The following ZFHX3 variants were observed in gnomAD, a reference collection of about 807,000 sequenced individuals.
ZFHX3 encodes the protein zinc finger homeobox 3.
In ZFHX3, 42 loss-of-function variants were observed where a neutral mutation model predicts 279.1. That is an observed-to-expected ratio of 0.15 (90% CI 0.12 to 0.19). The LOEUF is 0.19. Among genes scored for constraint, ZFHX3 ranks in the 10% least tolerant of loss-of-function variants. The probability of loss-of-function intolerance (pLI) is 1.00; values close to 1 mark genes in which losing one functional copy is unlikely to be tolerated. For missense variants in ZFHX3, 4,981 were observed against 4,754.0 expected, an observed-to-expected ratio of 1.05 and a Z score of -1.40; for synonymous variants, 2,293 against 1,957.8, an observed-to-expected ratio of 1.17 and a Z score of -4.52.
intron 1 of ZFHX3, among the ~76,000 whole-genome samples, chr16:73,749,862 G>A (rs893399671): frequency 4.6e-5 from 7 of 152,204 alleles, no homozygotes; most frequent in Non-Finnish European, 1.0e-4. Flanking sequence ...TGTACCCTAC[G>A]TGAAAGAAGA....
rs200648483 is a variant in ZFHX3, at chr16:73,005,669, A to G, written c.-50+42083T>C. 8.3e-4 allele frequency: 127 copies of G among 152,484 alleles called. 2 individuals are homozygous for G. In the East Asian group the frequency reaches 0.017, roughly 20 times the overall value. The allele number at this position is 152,484 out of a possible 1,614,324, so 9.4% of individuals were successfully genotyped here. A position where few individuals can be genotyped will look rare whatever the true frequency, so the allele number is the denominator to read the frequency against. On this transcript the variant is annotated intron_variant, in intron 1 of 9. Transcript: ENST00000268489. ...GCCGGGCGTGGTGGCCGGCGCCTGT[A>G]GTCCCAGCTACTCGGGAGGCTGAGG... is the stretch of plus-strand genomic sequence containing the variant.
chr16:73,883,310 C>T (rs150475045), intron 1 of ZFHX3, among the ~76,000 whole-genome samples: 1 of 151,966 alleles, frequency 6.6e-6, no homozygotes, highest in African/African-American at 2.4e-5. Context: ...AGGAATTTGA[C>T]GTCTGGCAGC....
In ZFHX3 at chr16:72,887,638, G is replaced by C. The variant is rs558546530; in HGVS notation, c.3448+2093C>G. Among the ~76,000 whole-genome samples, 157 of 150,030 alleles carry C rather than the reference G, an allele frequency of 1.0e-3. 1 individual carries two copies. Among genetic ancestry groups the C allele is most frequent in the African/African-American group, 3.7e-3 (149 of 40,680 alleles). ...GTGTGGGATGCATGTCAGTGTGTGT[G>C]GGGTGTGTGGGGGTACAGTGTCTAT... On this transcript the variant is annotated intron_variant, in intron 4 of 9. Coordinates refer to ENST00000268489, the MANE Select transcript of ZFHX3 (RefSeq NM_006885.4).
At chr16:73,830,199 C>G (rs368377666) in intron 1 of ZFHX3, among the ~76,000 whole-genome samples, 48 of 135,020 alleles carry the variant, frequency 3.6e-4, no homozygotes, top group African/African-American at 1.1e-3. Flanking sequence ...TTCTTTGACT[C>G]GGAAAGGGAA....
At chr16:73,469,601 A>C (rs1030704923) in intron 2 of ZFHX3, among the ~76,000 whole-genome samples, 2 of 151,708 alleles carry the variant, frequency 1.3e-5, no homozygotes, top group Non-Finnish European at 2.9e-5. Context: ...CCTGGTACCT[A>C]GTCCCAACCT....
chr16:73,144,837 TG>T (rs1170290634), intron 5 of ZFHX3, among the ~76,000 whole-genome samples: 3 of 152,172 alleles, frequency 2.0e-5, no homozygotes, highest in Non-Finnish European at 4.4e-5. Flanking sequence ...ATTGAACAAC[TG>T]TGTTATAAAG....
chr16:73,576,538 TC>T (rs887437860), intron 2 of ZFHX3, among the ~76,000 whole-genome samples: 12 of 152,138 alleles, frequency 7.9e-5, no homozygotes, highest in South Asian at 4.2e-4. Flanking sequence ...AAATGATTCT[TC>T]CGTCATCATA....
chr16:73,034,642 T>C (rs1227590442), intron 1 of ZFHX3, among the ~76,000 whole-genome samples: 1 of 152,142 alleles, frequency 6.6e-6, no homozygotes, highest in Non-Finnish European at 1.5e-5. Context: ...ATTTCAGTAA[T>C]ATACATGAAG....
intron 1 of ZFHX3, among the ~76,000 whole-genome samples, chr16:73,821,368 A>G (rs1670514371): frequency 6.6e-6 from 1 of 152,188 alleles, no homozygotes; most frequent in Non-Finnish European, 1.5e-5. Context: ...TGGAATTTCT[A>G]AAGGGGCACT....
intron 5 of ZFHX3, among the ~76,000 whole-genome samples, chr16:73,203,195 C>T (rs2011670561): frequency 1.3e-5 from 2 of 152,058 alleles, no homozygotes; most frequent in African/African-American, 2.4e-5. Context: ...CCTTGAGGGT[C>T]GAGACTATGC....
intron 1 of ZFHX3, among the ~76,000 whole-genome samples, chr16:73,748,142 C>T (rs530071507): frequency 2.0e-4 from 30 of 152,050 alleles, no homozygotes; most frequent in East Asian, 1.4e-3. Context: ...TGAAATTTCA[C>T]GGGGATTTTT....
At chr16:73,423,215 G>C (rs1445658658) in intron 3 of ZFHX3, among the ~76,000 whole-genome samples, 1 of 136,558 alleles carries the variant, frequency 7.3e-6, no homozygotes, top group Non-Finnish European at 1.6e-5. Flanking sequence ...ACCACCCTTT[G>C]TTATTCAAGA....
At chr16:73,082,276 T>C (rs1178991647) in intron 8 of ZFHX3, among the ~76,000 whole-genome samples, 1 of 151,970 alleles carries the variant, frequency 6.6e-6, no homozygotes, top group Non-Finnish European at 1.5e-5. Context: ...AATTTTTTTT[T>C]CTCTTTTTTG....
At chr16:73,320,510 C>T (rs2015554281) in intron 3 of ZFHX3, among the ~76,000 whole-genome samples, 2 of 152,196 alleles carry the variant, frequency 1.3e-5, no homozygotes, top group South Asian at 2.1e-4. Context: ...CTTTGGAAAT[C>T]GGGTTTCCTG....
At chr16:73,622,354 C>A (rs1035455876) in intron 2 of ZFHX3, among the ~76,000 whole-genome samples, 1 of 152,048 alleles carries the variant, frequency 6.6e-6, no homozygotes, top group African/African-American at 2.4e-5. Flanking sequence ...GTCAGGAGAT[C>A]GAGACCATCC....
At chr16:73,065,980 G>C (rs1252205517) in intron 8 of ZFHX3, among the ~76,000 whole-genome samples, 2 of 152,364 alleles carry the variant, frequency 1.3e-5, no homozygotes, top group Middle Eastern at 3.4e-3. Flanking sequence ...AGGCTGGTGA[G>C]TGCAGGGCAG....
chr16:73,031,459 C>T (rs572605629), intron 1 of ZFHX3, among the ~76,000 whole-genome samples: 8 of 152,238 alleles, frequency 5.3e-5, no homozygotes, highest in Non-Finnish European at 7.3e-5. Flanking sequence ...AAGGGAAAAG[C>T]GATTTTCCTT....
intron 3 of ZFHX3, chr16:73,400,521 T>G (rs540426590): frequency 6.6e-6 from 1 of 152,234 alleles, no homozygotes; most frequent in South Asian, 2.1e-4. Context: ...CTCAGAAGCA[T>G]CCCGGGCTAC....
At chr16:73,093,549 G>GCCCAGCCAT (rs760004435) in exon 8 of ZFHX3, 1 of 511,202 alleles carries the variant, frequency 2.0e-6, no homozygotes, top group South Asian at 1.4e-5. Context: ...CAAGCCTGGA[G>GCCCAGCCAT]CCCAGCCATT....
Sources: gnomAD v4.1 joint callset for allele counts (sites outside exome capture counted in the v4.1 genomes callset) on GRCh38, gnomAD v4.1.1 for gene constraint, MANE v1.5 for transcripts, NCBI Gene and HGNC (gene_info 2026-07-23, HGNC 2026-07-21) for gene names.